PLEKHH3: variants seen among roughly 807,000 people sequenced by gnomAD.
The protein encoded by PLEKHH3 is pleckstrin homology, MyTH4 and FERM domain containing H3.
Under a neutral mutation model 77.8 loss-of-function variants are expected in PLEKHH3, and 57 were observed. That is an observed-to-expected ratio of 0.73 (90% CI 0.59 to 0.91). The LOEUF is 0.91. PLEKHH3 is among the 40% of genes least tolerant of loss of function. The pLI, the probability that PLEKHH3 is intolerant of heterozygous loss-of-function variation, is 0.00. For missense variants in PLEKHH3, 1,082 were observed against 1,091.2 expected (o/e 0.99, Z 0.12); for synonymous variants, 467 against 504.8 (o/e 0.93, Z 1.00).
chr17:42,674,213 C>A lies in PLEKHH3; in HGVS notation c.218+141G>T, dbSNP rs545666340. The A allele has an allele frequency of 3.0e-5, 35 of 1,155,646 alleles. No individual in the cohort carries two copies. The Admixed American group carries it at 4.1e-4, about 14-fold the overall frequency. The allele number at this position is 1,155,646 out of a possible 1,614,324, so 71.6% of individuals were successfully genotyped here. On this transcript the variant is annotated intron_variant, in intron 2 of 12. Transcript: ENST00000591022. The stretch of plus-strand genomic sequence containing the variant: ...TCTCCCCGCGCCCCCAGCCGGACCG[C>A]CCCCCGGGACCCCAGCCAAACCACA...
intron 12 of PLEKHH3, 128 bp downstream of exon 12, chr17:42,669,302 G>A: frequency 4.3e-6 from 4 of 929,396 alleles, no homozygotes; most frequent in Non-Finnish European, 4.5e-6. Flanking sequence ...AGCTCCTTCA[G>A]CTTGTCTGTG....
chr17:42,674,738 C>A (rs2052785494), intron 1 of PLEKHH3: 4 of 300,830 alleles, frequency 1.3e-5, no homozygotes, highest in Non-Finnish European at 2.4e-5. Flanking sequence ...ACCACTAACT[C>A]ACTGTGGAAC....
Position 42,669,436 on chromosome 17 carries a change from G to A in PLEKHH3, c.2199C>T (p.Ser733=), listed in dbSNP as rs755991194. The change falls in exon 12 of 13, where the codon AGC becomes AGT. Residue 733 remains serine (S), a synonymous_variant. Coordinates refer to ENST00000591022, the MANE Select transcript of PLEKHH3 (RefSeq NM_024927.5). ...AACTCCTCTTCTCACTCACCTGGGG[G>A]CTCTGCAGGAGGAGCTGGCTCTCTC... The part of the protein sequence containing the change: ...RVGESQLLLQ[S]PQVEEIMQLV... 6 of 1,538,152 alleles carry A rather than the reference G, an allele frequency of 3.9e-6. No homozygotes were observed. The highest frequency in any genetic ancestry group is 2.5e-5 in the South Asian group (2 of 80,844).
In PLEKHH3 at chr17:42,675,786, C is replaced by T. The variant is rs2052810403; in HGVS notation, c.162+616G>A. The T allele has an allele frequency of 3.7e-6, 3 of 801,012 alleles. No individual in the cohort carries two copies. In the South Asian group the frequency reaches 1.7e-4, roughly 45 times the overall value. The allele number at this position is 801,012 out of a possible 1,614,324, so 49.6% of individuals were successfully genotyped here. ...GATTCGACAAAACCAGGCAGCAGCC[C>T]AGTGTCCCTCACCATCCATCCCCTC... On this transcript the variant is annotated intron_variant, in intron 1 of 12. Transcript: ENST00000591022.
chr17:42,674,178 C>T (rs1420579179), intron 2 of PLEKHH3, among the ~76,000 whole-genome samples, 165 bp from the exon 3 acceptor site: 1 of 152,142 alleles, frequency 6.6e-6, no homozygotes, highest in Non-Finnish European at 1.5e-5. Context: ...ATAGCCCCGA[C>T]CCCCCTCTTT....
In PLEKHH3 at chr17:42,669,619, C is replaced by T. The variant is rs772794464; in HGVS notation, c.2016G>A (p.Glu672=). 3.8e-6 allele frequency: 6 copies of T among 1,599,634 alleles called. No homozygotes were observed. The highest frequency in any genetic ancestry group is 5.1e-6 in the Non-Finnish European group (6 of 1,169,586). ...GCTTCTGTGGAGCACCCCGACCAGGCTCCTGCAGACAGAGAGGCAGAGTCA... is the reference window on the plus strand; with the variant it reads ...GCTTCTGTGGAGCACCCCGACCAGGTTCCTGCAGACAGAGAGGCAGAGTCA... ...ARYDVLELST[E]PGRGAPQKLC... The change falls in exon 12 of 13, where the codon GAG becomes GAA. Residue 672 remains glutamate (E), a splice_region_variant and synonymous_variant. Transcript: ENST00000591022.
At position 42,670,711 on chromosome 17, in the gene PLEKHH3, G is replaced by T. The variant is rs757134059; in HGVS notation, c.1422-6C>A. 6.2e-7 allele frequency: 1 copy of T among 1,611,182 alleles called. No homozygotes were observed. The highest frequency in any genetic ancestry group is 1.1e-5 in the South Asian group (1 of 90,992). On this transcript the variant is annotated splice_polypyrimidine_tract_variant and splice_region_variant and intron_variant, in intron 9 of 12. Transcript: ENST00000591022. Reference sequence around the variant, plus strand: ...CAGCTTCCTCCGCGGCCAAGCTGCAGAAGAGGAGCGGACGAAGCGCTAGGG... The same window carrying T: ...CAGCTTCCTCCGCGGCCAAGCTGCATAAGAGGAGCGGACGAAGCGCTAGGG...
In PLEKHH3 at chr17:42,673,819, T is replaced by C. The variant is rs2052759705; in HGVS notation, c.314A>G (p.Glu105Gly). 3 of 1,591,364 alleles carry C rather than the reference T, an allele frequency of 1.9e-6. No individual in the cohort carries two copies. The highest frequency in any genetic ancestry group is 2.6e-6 in the Non-Finnish European group (3 of 1,173,744). The stretch of plus-strand genomic sequence containing the variant: ...GGGCCGCGCCCCTCCTCCGCGGGGC[T>C]CCCGGTACAGCCAACCTGGGGGCCG... ...DIVVKGWLYR[E>G]PRGGGARPWL... is the part of the protein sequence containing the mutation. The change falls in exon 4 of 13, where the codon GAG becomes GGG. Residue 105 changes from glutamate (E) to glycine (G), a missense_variant. Around this residue, in one of 3 missense-constraint regions of PLEKHH3, gnomAD observed 344 missense variants for 320.8 expected, o/e 1.07. Coordinates refer to ENST00000591022, the MANE Select transcript of PLEKHH3 (RefSeq NM_024927.5).
In PLEKHH3 at chr17:42,676,113, G is replaced by T; in HGVS notation, c.162+289C>A. 7.9e-7 allele frequency: 1 copy of T among 1,270,190 alleles called. No individual in the cohort carries two copies. The highest frequency in any genetic ancestry group is 3.0e-4 in the Middle Eastern group (1 of 3,284). 78.7% of individuals were successfully genotyped at this position (1,270,190 alleles called of 1,614,324 possible). A position where few individuals can be genotyped will look rare whatever the true frequency, so the allele number is the denominator to read the frequency against. On this transcript the variant is annotated intron_variant, in intron 1 of 12. Coordinates refer to ENST00000591022, the MANE Select transcript of PLEKHH3 (RefSeq NM_024927.5). The surrounding 1 kb of genome is among the most constrained non-coding windows in gnomAD (Gnocchi z 6.6). The stretch of plus-strand genomic sequence containing the variant: ...GGAGACGGGATGGGACGCGGGCCCA[G>T]CGGGGAAGGGAGAGGCAGGGCCAGG...
At chr17:42,673,326 T>G (rs1327197326) in intron 5 of PLEKHH3, 30 bp from the exon 6 acceptor site, 2 of 1,603,340 alleles carry the variant, frequency 1.2e-6, no homozygotes, top group African/African-American at 1.3e-5. Context: ...GTCACCTTGA[T>G]GGGGAAGGGA....
At chr17:42,672,477 T>G in intron 6 of PLEKHH3, 85 bp from the exon 7 acceptor site, 2 of 1,233,536 alleles carry the variant, frequency 1.6e-6, no homozygotes, top group Admixed American at 2.8e-5. Flanking sequence ...CAGGGGAAGG[T>G]CAGAGGGAAT....
chr17:42,676,345 T>G lies in PLEKHH3; in HGVS notation c.162+57A>C. ...GGCTGGAGGCTGGAGCGGATCAGCGTGACGGCCGGTTACAGCGAGAGTGAT... is the reference window on the plus strand; with the variant it reads ...GGCTGGAGGCTGGAGCGGATCAGCGGGACGGCCGGTTACAGCGAGAGTGAT... On this transcript the variant is annotated intron_variant, in intron 1 of 12. Transcript: ENST00000591022. The surrounding 1 kb of genome is among the most constrained non-coding windows in gnomAD (Gnocchi z 6.6). 3 of 1,599,828 alleles carry G rather than the reference T, an allele frequency of 1.9e-6. No individual in the cohort carries two copies. Among genetic ancestry groups the G allele is most frequent in the Admixed American group, 3.4e-5 (2 of 59,388 alleles).
chr17:42,676,152 G>T lies in PLEKHH3; in HGVS notation c.162+250C>A. The stretch of plus-strand genomic sequence containing the variant: ...GGCAGGGCCAGGTCGGGCCACGCGT[G>T]ACGCCTCCCCTGCCTCAGGGCCCCC... On this transcript the variant is annotated intron_variant, in intron 1 of 12. Coordinates refer to ENST00000591022, the MANE Select transcript of PLEKHH3 (RefSeq NM_024927.5). The surrounding 1 kb of genome is among the most constrained non-coding windows in gnomAD (Gnocchi z 6.6). The T allele has an allele frequency of 1.5e-6, 2 of 1,370,132 alleles. No individual in the cohort carries two copies. The allele number at this position is 1,370,132 out of a possible 1,614,324, so 84.9% of individuals were successfully genotyped here. A position where few individuals can be genotyped will look rare whatever the true frequency, so the allele number is the denominator to read the frequency against.
intron 9 of PLEKHH3, 69 bp downstream of exon 9, chr17:42,670,925 G>C: frequency 1.3e-6 from 2 of 1,574,606 alleles, no homozygotes; most frequent in Non-Finnish European, 1.7e-6. Flanking sequence ...GATAATGTCC[G>C]CTTAGAGACT....
At position 42,671,060 on chromosome 17, in the gene PLEKHH3, C is replaced by A. The variant is rs760677200; in HGVS notation, c.1355G>T (p.Arg452Leu). The change falls in exon 9 of 13, where the codon CGA becomes CTA. Residue 452 changes from arginine to leucine, a missense_variant. Around this residue, in one of 3 missense-constraint regions of PLEKHH3, gnomAD observed 733 missense variants for 750.0 expected, o/e 0.98. Transcript: ENST00000591022. The surrounding 1 kb of genome is among the most constrained non-coding windows in gnomAD (Gnocchi z 4.7). ...AGCCAGGGCTCGCTCCTGGGCCCCT[C>A]GCTGCTCGTACAGCGCGAATGCGTT... ...SRNAFALYEQ[R>L]GAQERALAGG... is the part of the protein sequence containing the mutation. 9.9e-6 allele frequency: 16 copies of A among 1,609,540 alleles called. No homozygotes were observed. The Admixed American group carries it at 1.4e-4, about 14-fold the overall frequency.
rs907919957 is a variant in PLEKHH3, at chr17:42,676,088, G to T, written c.162+314C>A. On this transcript the variant is annotated intron_variant, in intron 1 of 12. Transcript: ENST00000591022. This position sits in a 1 kb window ranked among gnomAD's most constrained non-coding sequence, Gnocchi z 6.6. ...TTCCTCGGCGCTGGCGGAGGCGGAA[G>T]GAGACGGGATGGGACGCGGGCCCAG... The T allele has an allele frequency of 9.0e-6, 11 of 1,223,680 alleles. No individual in the cohort carries two copies. The highest frequency in any genetic ancestry group is 1.1e-5 in the Non-Finnish European group (11 of 978,332). 75.8% of individuals were successfully genotyped at this position (1,223,680 alleles called of 1,614,324 possible).
In PLEKHH3 at chr17:42,674,415, G is replaced by A; in HGVS notation, c.163-6C>T. On this transcript the variant is annotated splice_region_variant and splice_polypyrimidine_tract_variant and intron_variant, in intron 1 of 12. Coordinates refer to ENST00000591022, the MANE Select transcript of PLEKHH3 (RefSeq NM_024927.5). The stretch of plus-strand genomic sequence containing the variant: ...AGCGTCACTTCCAGGGGACCCTGGG[G>A]AGACAGGCGGGGAAGCCCTCAGGGT... 6.3e-7 allele frequency: 1 copy of A among 1,587,206 alleles called. No individual in the cohort carries two copies. The highest frequency in any genetic ancestry group is 8.6e-7 in the Non-Finnish European group (1 of 1,168,036).
chr17:42,669,378 C>G lies in PLEKHH3; in HGVS notation c.2205+52G>C, dbSNP rs891242652. The G allele has an allele frequency of 1.2e-5, 17 of 1,472,528 alleles. No individual in the cohort carries two copies. In the African/African-American group the frequency reaches 2.1e-4, roughly 18 times the overall value. The allele number at this position is 1,472,528 out of a possible 1,614,324, so 91.2% of individuals were successfully genotyped here. A position where few individuals can be genotyped will look rare whatever the true frequency, so the allele number is the denominator to read the frequency against. ...CAGGTTTGGTGTTCTGTAAATGCTT[C>G]CTGACATCGCTTCCCTTCTCTCCTC... On this transcript the variant is annotated intron_variant, in intron 12 of 12. Transcript: ENST00000591022.
At position 42,671,043 on chromosome 17, in the gene PLEKHH3, C is replaced by A. The variant is rs2052688450; in HGVS notation, c.1372G>T (p.Ala458Ser). Residue 458 changes from alanine (A) to serine (S), a missense_variant, in exon 9 of 13, where the codon GCC becomes TCC. Physicochemically the swap from Ala to Ser is moderately conservative, Grantham distance 99. Around this residue, in one of 3 missense-constraint regions of PLEKHH3, gnomAD observed 733 missense variants for 750.0 expected, o/e 0.98. Transcript: ENST00000591022. This position sits in a 1 kb window ranked among gnomAD's most constrained non-coding sequence, Gnocchi z 4.7. ...LYEQRGAQER[A>S]LAGGTLVADV... ...GCCACGAGGGTCCCCCCAGCCAGGG[C>A]TCGCTCCTGGGCCCCTCGCTGCTCG... 6.2e-6 allele frequency: 10 copies of A among 1,610,880 alleles called. No individual in the cohort carries two copies. Among genetic ancestry groups the A allele is most frequent in the Non-Finnish European group, 7.6e-6 (9 of 1,179,194 alleles).
Sources: allele counts gnomAD v4.1 joint callset (sites outside exome capture counted in the v4.1 genomes callset), GRCh38; gene constraint gnomAD v4.1.1; regional missense constraint gnomAD v4.1.1; non-coding constraint Gnocchi (gnomAD v3.1); transcripts MANE v1.5; gene names NCBI Gene and HGNC (gene_info 2026-07-23, HGNC 2026-07-21).